The following PRKN variants were observed in gnomAD, a reference collection of about 807,000 sequenced individuals.
PRKN encodes E3 ubiquitin-protein ligase parkin.
PRKN carries 56 observed loss-of-function variants against 59.5 expected under a neutral mutation model. The ratio of observed to expected loss-of-function variants is 0.94; its 90% CI spans 0.76 to 1.18. The LOEUF (loss-of-function observed/expected upper bound fraction) is 1.18. Ranked by LOEUF, PRKN falls within the 50% of genes most tolerant of loss-of-function variation. PRKN has a pLI of 0.00. For missense variants in PRKN, 657 were observed against 596.4 expected (o/e 1.10, Z -1.06); for synonymous variants, 250 against 222.1 (o/e 1.13, Z -1.12).
At chr6:162,442,199 A>G (rs1339362909) in intron 2 of PRKN, among the ~76,000 whole-genome samples, 1 of 152,300 alleles carries the variant, frequency 6.6e-6, no homozygotes, top group East Asian at 1.9e-4. Context: ...TTCTGAGAGC[A>G]TTTTACAAAG....
chr6:162,645,270 A>G lies in PRKN; in HGVS notation c.7+82392T>C, dbSNP rs1301060050. Among the ~76,000 whole-genome samples the G allele has an allele frequency of 2.0e-5, 3 of 152,330 alleles. No homozygotes were observed. The South Asian group carries it at 6.2e-4, about 32-fold the overall frequency. The stretch of plus-strand genomic sequence containing the variant: ...ATAAAATATCAAAAAAAAGGAAAAG[A>G]AATATTGTAACTATTGCAGCCTCAT... On this transcript the variant is annotated intron_variant, in intron 1 of 11. Coordinates refer to ENST00000366898, the MANE Select transcript of PRKN (RefSeq NM_004562.3).
At chr6:162,576,099 T>C (rs1160778309) in intron 1 of PRKN, among the ~76,000 whole-genome samples, 1 of 152,172 alleles carries the variant, frequency 6.6e-6, no homozygotes, top group Non-Finnish European at 1.5e-5. Flanking sequence ...ACCTTGGTTC[T>C]CACTCTGCTT....
chr6:162,551,991 G>A (rs1359523789), intron 1 of PRKN, among the ~76,000 whole-genome samples: 1 of 152,078 alleles, frequency 6.6e-6, no homozygotes, highest in East Asian at 1.9e-4. Context: ...CTGTGGTCAA[G>A]AATAACTAGG....
chr6:161,968,854 G>A (rs1023754884), intron 6 of PRKN, among the ~76,000 whole-genome samples: 8 of 152,226 alleles, frequency 5.3e-5, no homozygotes, highest in Admixed American at 2.0e-4. Context: ...AAAGGACACC[G>A]TGATATTATG....
chr6:162,564,912 G>A (rs1779996865), intron 1 of PRKN, among the ~76,000 whole-genome samples: 2 of 150,538 alleles, frequency 1.3e-5, no homozygotes, highest in Admixed American at 1.3e-4. Flanking sequence ...ATAATCACCT[G>A]AAGGTACAAA....
chr6:162,121,164 A>G (rs912279135), intron 4 of PRKN, among the ~76,000 whole-genome samples: 24 of 152,176 alleles, frequency 1.6e-4, no homozygotes, highest in African/African-American at 4.8e-4. Context: ...TCCTGACTAC[A>G]TTTGCAGAAA....
rs1779909176 is a variant in PRKN at position 161,549,173 on chromosome 6, G to A, written c.934-170C>T. Among the ~76,000 whole-genome samples, 2 of 152,068 alleles carry A rather than the reference G, an allele frequency of 1.3e-5. No homozygotes were observed. Among genetic ancestry groups the A allele is most frequent in the Admixed American group, 1.3e-4 (2 of 15,272 alleles). On this transcript the variant is annotated intron_variant, in intron 8 of 11. Coordinates refer to ENST00000366898, the MANE Select transcript of PRKN (RefSeq NM_004562.3). This position sits in a 1 kb window ranked among gnomAD's most constrained non-coding sequence, Gnocchi z 6.0. ...AGGGAGAGGGCCACGGGGTTGATAG[G>A]GGAGGACGAATATGGTTCAATGCAG... is the stretch of plus-strand genomic sequence containing the variant.
At chr6:161,959,758 C>T in intron 6 of PRKN, among the ~76,000 whole-genome samples, 1 of 152,136 alleles carries the variant, frequency 6.6e-6, no homozygotes, top group East Asian at 1.9e-4. Flanking sequence ...TATTAATAAT[C>T]ATAAGTGATT....
intron 6 of PRKN, among the ~76,000 whole-genome samples, chr6:161,828,469 G>T (rs1042426036): frequency 2.6e-5 from 4 of 152,136 alleles, no homozygotes; most frequent in African/African-American, 7.2e-5. Context: ...GCAATCTAGT[G>T]CTGGCTGCTT....
In PRKN at chr6:161,576,940, A is replaced by G. The variant is rs565270250; in HGVS notation, c.872-7524T>C. 6.6e-6 allele frequency among the ~76,000 whole-genome samples: 1 copy of G among 152,362 alleles called. No individual in the cohort carries two copies. The highest frequency in any genetic ancestry group is 2.4e-5 in the African/African-American group (1 of 41,588). On this transcript the variant is annotated intron_variant, in intron 7 of 11. Transcript: ENST00000366898. The surrounding 1 kb of genome is among the most constrained non-coding windows in gnomAD (Gnocchi z 4.6). Reference sequence around the variant, plus strand: ...ATGCAATGTCATTTACAGAAAGTTTAGAGAATCTATTAAACAATGTCGATG... The same window carrying G: ...ATGCAATGTCATTTACAGAAAGTTTGGAGAATCTATTAAACAATGTCGATG...
chr6:162,293,526 G>C (rs1424570057), intron 2 of PRKN, among the ~76,000 whole-genome samples: 1 of 152,194 alleles, frequency 6.6e-6, no homozygotes, highest in Non-Finnish European at 1.5e-5. Context: ...TGGGTGAGTG[G>C]GAGATCACCG....
At chr6:161,835,974 G>A (rs1792735964) in intron 6 of PRKN, among the ~76,000 whole-genome samples, 2 of 152,136 alleles carry the variant, frequency 1.3e-5, no homozygotes, top group Non-Finnish European at 2.9e-5. Context: ...TACATATTTG[G>A]TTGCTTGCCA....
At chr6:162,712,531 T>C (rs1432463871) in intron 1 of PRKN, among the ~76,000 whole-genome samples, 2 of 152,204 alleles carry the variant, frequency 1.3e-5, no homozygotes, top group Admixed American at 1.3e-4. Context: ...ATCATGACGC[T>C]TATACAACTT....
At position 161,897,966 on chromosome 6, in the gene PRKN, CAA is replaced by C. The variant is rs55714271; in HGVS notation, c.734+75334_734+75335del. Among the ~76,000 whole-genome samples the C allele has an allele frequency of 9.4e-4, 36 of 38,298 alleles. 2 individuals carry two copies. The highest frequency in any genetic ancestry group is 1.4e-3 in the Admixed American group (4 of 2,926). 25.1% of individuals were successfully genotyped at this position (38,298 alleles called of 152,430 possible). On this transcript the variant is annotated intron_variant, in intron 6 of 11. Transcript: ENST00000366898. ...TGGGTGACAGAGCGAGACTCCGTCTCAAAAAAAAAAAAAAAAAAGTCTCCCAG... is the reference window on the plus strand; with the variant it reads ...TGGGTGACAGAGCGAGACTCCGTCTCAAAAAAAAAAAAAAAAGTCTCCCAG...
At chr6:162,367,186 T>C (rs1785487257) in intron 2 of PRKN, among the ~76,000 whole-genome samples, 1 of 152,110 alleles carries the variant, frequency 6.6e-6, no homozygotes, top group Admixed American at 6.6e-5. Flanking sequence ...CAGTTCTCCT[T>C]GCTGCCATCA....
intron 2 of PRKN, among the ~76,000 whole-genome samples, chr6:162,298,305 C>A (rs771050221): frequency 4.6e-5 from 7 of 152,146 alleles, no homozygotes; most frequent in Non-Finnish European, 8.8e-5. Context: ...GTCCCTTCTG[C>A]TAGGGCTCCA....
At chr6:161,700,425 T>C (rs1477221407) in intron 7 of PRKN, among the ~76,000 whole-genome samples, 1 of 152,120 alleles carries the variant, frequency 6.6e-6, no homozygotes, top group African/African-American at 2.4e-5. Context: ...GAACTTCCCA[T>C]CAGCACTTCT....
At chr6:161,805,509 G>A (rs182594633) in intron 6 of PRKN, among the ~76,000 whole-genome samples, 4 of 149,940 alleles carry the variant, frequency 2.7e-5, no homozygotes, top group Admixed American at 6.6e-5. Context: ...TACACATAGA[G>A]CTCCCTGTTT....
At chr6:162,227,167 C>T (rs759226198) in intron 3 of PRKN, among the ~76,000 whole-genome samples, 1 of 152,154 alleles carries the variant, frequency 6.6e-6, no homozygotes, top group Non-Finnish European at 1.5e-5. Context: ...TACATCTTTA[C>T]GTAGTTGGTA....
Sources: allele counts gnomAD v4.1 joint callset (sites outside exome capture counted in the v4.1 genomes callset), GRCh38; gene constraint gnomAD v4.1.1; non-coding constraint Gnocchi (gnomAD v3.1); transcripts MANE v1.5; gene names NCBI Gene and HGNC (gene_info 2026-07-23, HGNC 2026-07-21).